PAFAH1B2: variants seen among roughly 807,000 people sequenced by gnomAD.
PAFAH1B2 encodes platelet-activating factor acetylhydrolase IB subunit alpha2.
Under a neutral mutation model 28.0 loss-of-function variants are expected in PAFAH1B2, and 8 were observed. The ratio of observed to expected loss-of-function variants is 0.29; its 90% confidence interval spans 0.17 to 0.52. The LOEUF is 0.52. Ranked by LOEUF, PAFAH1B2 falls within the 20% of genes least tolerant of loss-of-function variation. The pLI is 0.97. For missense variants in PAFAH1B2, 190 were observed against 282.6 expected (o/e 0.67, Z 2.35); for synonymous variants, 104 against 103.2 (o/e 1.01, Z -0.05).
At position 117,144,328 on chromosome 11, in the gene PAFAH1B2, C is replaced by T. The variant is rs1271566815; in HGVS notation, c.-98C>T. The stretch of plus-strand genomic sequence containing the variant: ...GTGCTGGGGCCGGAGGAGGGACGCG[C>T]CGGAGCGGGACCGACGGGACCGAGC... On this transcript the variant is annotated 5_prime_UTR_variant, in exon 1 of 6. Coordinates refer to ENST00000527958, the MANE Select transcript of PAFAH1B2 (RefSeq NM_002572.4). 2 of 405,412 alleles carry T rather than the reference C, an allele frequency of 4.9e-6. No homozygotes were observed. The highest frequency in any genetic ancestry group is 1.0e-5 in the Non-Finnish European group (2 of 198,106). 25.1% of individuals were successfully genotyped at this position (405,412 alleles called of 1,614,324 possible). A position where few individuals can be genotyped will look rare whatever the true frequency, so the allele number is the denominator to read the frequency against.
downstream of PAFAH1B2, among the ~76,000 whole-genome samples, chr11:117,172,929 C>T (rs916199768): frequency 6.6e-6 from 1 of 152,240 alleles, no homozygotes; most frequent in Non-Finnish European, 1.5e-5. Context: ...TCTCGAATTC[C>T]TGGCCTCAGG....
intron 1 of PAFAH1B2, among the ~76,000 whole-genome samples, chr11:117,144,680 C>T (rs537448303): frequency 2.0e-5 from 3 of 152,234 alleles, no homozygotes; most frequent in Non-Finnish European, 4.4e-5. Context: ...GCTGGCGTTT[C>T]TCCTCAGCCG....
chr11:117,171,777 G>A, downstream of PAFAH1B2: 5 of 1,522,318 alleles, frequency 3.3e-6, no homozygotes, highest in Non-Finnish European at 4.4e-6. Context: ...GATGTTCCTT[G>A]GCAGCTAAAA....
At chr11:117,149,971 C>G (rs1956110750) in intron 1 of PAFAH1B2, among the ~76,000 whole-genome samples, 1 of 151,844 alleles carries the variant, frequency 6.6e-6, no homozygotes, top group Admixed American at 6.6e-5. Flanking sequence ...GCGGTGCATG[C>G]CTGTAGTCCT....
At chr11:117,152,583 C>T (rs1591734630) in intron 2 of PAFAH1B2, 55 bp downstream of exon 2, 1 of 1,313,442 alleles carries the variant, frequency 7.6e-7, no homozygotes. Context: ...AGTTTTTTGT[C>T]TGTTTTGTTT....
Position 117,170,883 on chromosome 11 carries a change from G to T in PAFAH1B2, c.*3184G>T. On this transcript the variant is annotated 3_prime_UTR_variant, in exon 6 of 6. Coordinates refer to ENST00000527958, the MANE Select transcript of PAFAH1B2 (RefSeq NM_002572.4). ...TTGAAAGGAGGCTTTTTGGAGAGGG[G>T]TCCCCCAGGTTTCTTGGTGTTCCTG... The T allele has an allele frequency of 9.4e-7, 1 of 1,060,690 alleles. No homozygotes were observed. Among genetic ancestry groups the T allele is most frequent in the South Asian group, 4.6e-5 (1 of 21,936 alleles). The allele number at this position is 1,060,690 out of a possible 1,614,324, so 65.7% of individuals were successfully genotyped here.
intron 2 of PAFAH1B2, among the ~76,000 whole-genome samples, chr11:117,154,382 G>A (rs935336172): frequency 1.3e-5 from 2 of 152,194 alleles, no homozygotes; most frequent in Admixed American, 6.5e-5. Flanking sequence ...AGCTCTGGCT[G>A]TAGAAAAATC....
chr11:117,164,133 C>T (rs753195263), intron 5 of PAFAH1B2: 29 of 334,758 alleles, frequency 8.7e-5, no homozygotes, highest in African/African-American at 2.1e-4. Context: ...CGTGGCCAGG[C>T]GCTGTGGCTC....
chr11:117,172,348 TTATATATATATATATATA>T (rs1213181198), downstream of PAFAH1B2, among the ~76,000 whole-genome samples: 1 of 91,234 alleles, frequency 1.1e-5, no homozygotes, highest in African/African-American at 4.0e-5. Context: ...CATTCTAGCT[TTATATATATATATATATA>T]TATATATATA....
Position 117,170,233 on chromosome 11 carries a change from C to A in PAFAH1B2, c.*2534C>A, listed in dbSNP as rs751635788. On this transcript the variant is annotated 3_prime_UTR_variant, in exon 6 of 6. Coordinates refer to ENST00000527958, the MANE Select transcript of PAFAH1B2 (RefSeq NM_002572.4). Reference sequence around the variant, plus strand: ...AAATCTATAAATTTAATGCACTGTCCAAGTGAAATGTCCTAGTTGTCATTG... The same window carrying A: ...AAATCTATAAATTTAATGCACTGTCAAAGTGAAATGTCCTAGTTGTCATTG... The A allele has an allele frequency of 9.4e-6, 10 of 1,060,114 alleles. No homozygotes were observed. The highest frequency in any genetic ancestry group is 1.1e-5 in the Non-Finnish European group (10 of 876,294). The allele number at this position is 1,060,114 out of a possible 1,614,324, so 65.7% of individuals were successfully genotyped here. A position where few individuals can be genotyped will look rare whatever the true frequency, so the allele number is the denominator to read the frequency against.
At chr11:117,161,331 T>G in intron 4 of PAFAH1B2, 70 bp downstream of exon 4, 1 of 1,012,432 alleles carries the variant, frequency 9.9e-7, no homozygotes, top group Non-Finnish European at 1.4e-6. Flanking sequence ...TGTCTGAAAC[T>G]GTAAAAAAAA....
Position 117,159,954 on chromosome 11 carries a change from C to A in PAFAH1B2, c.102C>A (p.Asp34Glu), listed in dbSNP as rs903822651. 6.2e-7 allele frequency: 1 copy of A among 1,613,444 alleles called. No homozygotes were observed. The highest frequency in any genetic ancestry group is 8.5e-7 in the Non-Finnish European group (1 of 1,179,528). The change falls in exon 3 of 6, where the codon GAC becomes GAA. Residue 34 changes from aspartate to glutamate, a missense_variant. Asp to Glu is a conservative substitution (Grantham distance 45). Coordinates refer to ENST00000527958, the MANE Select transcript of PAFAH1B2 (RefSeq NM_002572.4). ...ACCAGCACAACAGATTTGTTTTGGACTGTAAAGACAAAGAGCCTGATGTAC... is the reference window on the plus strand; with the variant it reads ...ACCAGCACAACAGATTTGTTTTGGAATGTAAAGACAAAGAGCCTGATGTAC... ...WMSQHNRFVL[D>E]CKDKEPDVLF...
chr11:117,156,681 C>A (rs543780470), intron 2 of PAFAH1B2, among the ~76,000 whole-genome samples: 1 of 152,002 alleles, frequency 6.6e-6, no homozygotes, highest in Non-Finnish European at 1.5e-5. Flanking sequence ...GCATAGCAGT[C>A]TTAAATTCCA....
intron 3 of PAFAH1B2, among the ~76,000 whole-genome samples, chr11:117,160,912 C>G (rs1375368983): frequency 1.3e-5 from 2 of 151,680 alleles, no homozygotes; most frequent in Non-Finnish European, 2.9e-5. Context: ...ATGTTGATAC[C>G]TTTTAGGGGG....
chr11:117,159,876 C>A, intron 2 of PAFAH1B2, 58 bp from the exon 3 acceptor site: 1 of 1,249,718 alleles, frequency 8.0e-7, no homozygotes, highest in Non-Finnish European at 1.2e-6. Flanking sequence ...CAAGCATGGG[C>A]CACCACACCC....
chr11:117,164,161 A>G, intron 5 of PAFAH1B2: 1 of 240,614 alleles, frequency 4.2e-6, no homozygotes, highest in Non-Finnish European at 8.1e-6. Flanking sequence ...TAATCCCAGC[A>G]CTTTGGGAGG....
rs7924389 is a variant in PAFAH1B2 at position 117,158,834 on chromosome 11, G to A, written c.82-1100G>A. Among the ~76,000 whole-genome samples, 793 of 152,040 alleles carry A rather than the reference G, an allele frequency of 5.2e-3. 11 individuals are homozygous for A. Among genetic ancestry groups the A allele is most frequent in the African/African-American group, 0.018 (729 of 41,474 alleles). The stretch of plus-strand genomic sequence containing the variant: ...TAATTTTTGTATTATTATTAGAGGC[G>A]GGGTTTCACCATGTTGGCTGGGCTG... On this transcript the variant is annotated intron_variant, in intron 2 of 5. Coordinates refer to ENST00000527958, the MANE Select transcript of PAFAH1B2 (RefSeq NM_002572.4).
Position 117,167,708 on chromosome 11 carries a change from T to C in PAFAH1B2, c.*9T>C, listed in dbSNP as rs759145577. 10 of 1,529,268 alleles carry C rather than the reference T, an allele frequency of 6.5e-6. No homozygotes were observed. The East Asian group carries it at 2.3e-4, about 35-fold the overall frequency. 94.7% of individuals were successfully genotyped at this position (1,529,268 alleles called of 1,614,324 possible). On this transcript the variant is annotated 3_prime_UTR_variant, in exon 6 of 6. Coordinates refer to ENST00000527958, the MANE Select transcript of PAFAH1B2 (RefSeq NM_002572.4). ...AAACCACCATTGCCTGACTGGCTCT[T>C]ATCAGTGTTAATAGCATCTCAGCTT...
At chr11:117,163,604 C>T (rs150881386) in intron 4 of PAFAH1B2, among the ~76,000 whole-genome samples, 166 bp from the exon 5 acceptor site, 3,619 of 149,272 alleles carry the variant, frequency 0.024, 75 homozygotes, top group South Asian at 0.098. Context: ...ACCTGGGAGG[C>T]GGAGGTTGCA....
Sources: allele counts gnomAD v4.1 joint callset (sites outside exome capture counted in the v4.1 genomes callset), GRCh38; gene constraint gnomAD v4.1.1; transcripts MANE v1.5; gene names NCBI Gene and HGNC (gene_info 2026-07-23, HGNC 2026-07-21).